The following FAM3B variants were observed in gnomAD, a reference collection of about 807,000 sequenced individuals.
FAM3B encodes FAM3 metabolism regulating signaling molecule B.
A neutral mutation model predicts 28.4 loss-of-function variants in FAM3B; 29 were observed. The observed-to-expected ratio is 1.02, with a 90% CI of 0.76 to 1.39. FAM3B has a LOEUF of 1.39. FAM3B is among the 40% of genes most tolerant of loss of function. The pLI is 0.00. For synonymous variants in FAM3B, 91 were observed against 103.0 expected (o/e 0.88, Z 0.71); for missense variants, 266 against 293.9 (o/e 0.91, Z 0.69).
chr21:41,348,823 T>G, intron 7 of FAM3B, 99 bp downstream of exon 7: 9 of 1,338,138 alleles, frequency 6.7e-6, no homozygotes, highest in East Asian at 2.3e-5. Context: ...TCTCCAAACA[T>G]AAGAGTTGTG....
intron 1 of FAM3B, among the ~76,000 whole-genome samples, chr21:41,305,846 G>A (rs1369977149): frequency 2.0e-5 from 3 of 152,196 alleles, no homozygotes; most frequent in Non-Finnish European, 4.4e-5. Flanking sequence ...AGCGGCTGTG[G>A]CAATTTCTTA....
intron 7 of FAM3B, 71 bp downstream of exon 7, chr21:41,348,795 T>A: frequency 6.4e-7 from 1 of 1,562,856 alleles, no homozygotes; most frequent in South Asian, 1.1e-5. Flanking sequence ...AAAACGTTCC[T>A]GGTGGGTTAT....
intron 2 of FAM3B, among the ~76,000 whole-genome samples, chr21:41,325,147 G>A (rs2088844704): frequency 6.6e-6 from 1 of 152,110 alleles, no homozygotes; most frequent in South Asian, 2.1e-4. Flanking sequence ...ATATGCATTT[G>A]GAATACAACT....
At chr21:41,355,964 AG>A (rs1483798611) in intron 7 of FAM3B, among the ~76,000 whole-genome samples, 1 of 152,062 alleles carries the variant, frequency 6.6e-6, no homozygotes, top group Non-Finnish European at 1.5e-5. Flanking sequence ...GAAGATATAG[AG>A]GACTAAACCC....
chr21:41,346,817 G>T (rs533568245), intron 5 of FAM3B, among the ~76,000 whole-genome samples, 196 bp from the exon 6 acceptor site: 13 of 152,080 alleles, frequency 8.5e-5, no homozygotes, highest in Admixed American at 2.0e-4. Context: ...ACTCACCTCA[G>T]ATAGTCCCTA....
chr21:41,319,629 C>T (rs1397914305), intron 1 of FAM3B: 2 of 152,414 alleles, frequency 1.3e-5, no homozygotes, highest in Admixed American at 6.6e-5. Context: ...CCAAGTGTGT[C>T]CCAGCTTCAG....
chr21:41,319,642 C>G (rs1314237646), intron 1 of FAM3B: 3 of 152,446 alleles, frequency 2.0e-5, no homozygotes, highest in Non-Finnish European at 4.4e-5. Context: ...AGCTTCAGCG[C>G]TGATTCTTCC....
rs540429949 is a variant in FAM3B, at chr21:41,304,817, C to A, written n.99+507C>A. The stretch of plus-strand genomic sequence containing the variant: ...TTCATCTGGTGCCAGTAGGAACGTT[C>A]CCTGGGGGCAGCTGAAAGGCATCTG... On this transcript the variant is annotated intron_variant and non_coding_transcript_variant, in intron 1 of 9. Transcript: ENST00000479810. Among the ~76,000 whole-genome samples the A allele has an allele frequency of 3.3e-5, 5 of 152,238 alleles. No individual in the cohort carries two copies. In the South Asian group the frequency reaches 1.0e-3, roughly 32 times the overall value.
At chr21:41,329,790 G>A (rs1037904600) in intron 2 of FAM3B, among the ~76,000 whole-genome samples, 3 of 151,914 alleles carry the variant, frequency 2.0e-5, no homozygotes, top group East Asian at 1.9e-4. Flanking sequence ...GGCTGGTCTC[G>A]AACTCCTGAC....
intron 7 of FAM3B, among the ~76,000 whole-genome samples, chr21:41,352,666 C>T (rs182696249): frequency 5.9e-5 from 9 of 152,064 alleles, no homozygotes; most frequent in Admixed American, 3.3e-4. Flanking sequence ...TGGTGGCGGG[C>T]GCCTGTAATC....
intron 7 of FAM3B, among the ~76,000 whole-genome samples, chr21:41,350,960 C>T (rs77166398): frequency 1.3e-5 from 2 of 152,290 alleles, no homozygotes; most frequent in East Asian, 1.9e-4. Context: ...CCTGGCAGCC[C>T]GGGCGTTGTG....
chr21:41,345,076 G>A (rs956507390), intron 4 of FAM3B, among the ~76,000 whole-genome samples: 6 of 152,236 alleles, frequency 3.9e-5, no homozygotes, highest in Non-Finnish European at 4.4e-5. Context: ...GCCCCGAGAC[G>A]TGAGGGCTGT....
upstream of FAM3B, among the ~76,000 whole-genome samples, chr21:41,315,560 G>A (rs557020736): frequency 1.3e-5 from 2 of 152,254 alleles, no homozygotes; most frequent in East Asian, 3.9e-4. Flanking sequence ...CCAACTAGCT[G>A]GAGAGTGGCT....
intron 7 of FAM3B, among the ~76,000 whole-genome samples, chr21:41,350,870 A>G (rs2089112325): frequency 6.6e-6 from 1 of 152,058 alleles, no homozygotes; most frequent in East Asian, 1.9e-4. Flanking sequence ...CAGTCTCTTC[A>G]GCATCTCCAG....
chr21:41,314,510 A>G (rs2088733355), upstream of FAM3B, among the ~76,000 whole-genome samples: 1 of 152,208 alleles, frequency 6.6e-6, no homozygotes, highest in African/African-American at 2.4e-5. Context: ...TACAATGAAA[A>G]TATTTTTAAA....
intron 2 of FAM3B, among the ~76,000 whole-genome samples, chr21:41,327,104 G>T (rs780097709): frequency 5.9e-5 from 9 of 152,210 alleles, no homozygotes; most frequent in Non-Finnish European, 7.3e-5. Context: ...GCTCTTAAAA[G>T]AAATATTTAA....
At chr21:41,306,519 G>A (rs894008499) in intron 1 of FAM3B, among the ~76,000 whole-genome samples, 6 of 152,206 alleles carry the variant, frequency 3.9e-5, no homozygotes, top group African/African-American at 1.4e-4. Context: ...TGGATGTTGT[G>A]TTAGCAGATA....
Position 41,326,579 on chromosome 21 carries a change from G to A in FAM3B, c.163+3513G>A, listed in dbSNP as rs1452071247. Among the ~76,000 whole-genome samples the A allele has an allele frequency of 2.0e-5, 3 of 152,232 alleles. No individual in the cohort carries two copies. The highest frequency in any genetic ancestry group is 4.4e-5 in the Non-Finnish European group (3 of 68,032). On this transcript the variant is annotated intron_variant, in intron 2 of 7. Coordinates refer to ENST00000357985, the MANE Select transcript of FAM3B (RefSeq NM_058186.4). The surrounding 1 kb of genome is among the most constrained non-coding windows in gnomAD (Gnocchi z 4.0). ...CTGCAAGTCTAGAAGCTGGGGAGGA[G>A]GCCATGCTCATGGCTGACGGGCTGC...
chr21:41,348,819 A>G (rs2089088670), intron 7 of FAM3B, 95 bp downstream of exon 7: 1 of 1,367,298 alleles, frequency 7.3e-7, no homozygotes, highest in Non-Finnish European at 1.0e-6. Flanking sequence ...TCCGTCTCCA[A>G]ACATAAGAGT....
Sources: allele counts gnomAD v4.1 joint callset (sites outside exome capture counted in the v4.1 genomes callset), GRCh38; gene constraint gnomAD v4.1.1; non-coding constraint Gnocchi (gnomAD v3.1); transcripts MANE v1.5; gene names NCBI Gene and HGNC (gene_info 2026-07-23, HGNC 2026-07-21).